Variants in RBFOX1 observed in about 807,000 individuals in gnomAD.
RBFOX1 encodes the protein RNA binding fox-1 homolog 1, also known as RNA binding protein fox-1 homolog 1.
In RBFOX1, 8 loss-of-function variants were observed where a neutral mutation model predicts 57.7. That is an observed-to-expected ratio of 0.14 (90% CI 0.08 to 0.25). The LOEUF (loss-of-function observed/expected upper bound fraction) is 0.25. RBFOX1 is among the 10% of genes least tolerant of loss of function. The pLI, the probability that RBFOX1 is intolerant of heterozygous loss-of-function variation, is 1.00. For synonymous variants in RBFOX1, 326 were observed against 222.4 expected (o/e 1.47, Z -4.15); for missense variants, 611 against 548.5 (o/e 1.11, Z -1.14).
At chr16:7,689,082 G>A (rs890509892) in intron 14 of RBFOX1, among the ~76,000 whole-genome samples, 2 of 151,982 alleles carry the variant, frequency 1.3e-5, no homozygotes, top group Admixed American at 6.6e-5. Flanking sequence ...TCTACAAGAC[G>A]AGGATAAAAA....
chr16:6,941,296 C>T (rs140759585), intron 3 of RBFOX1, among the ~76,000 whole-genome samples: 841 of 64,358 alleles, frequency 0.013, 8 homozygotes, highest in South Asian at 0.023. Context: ...CCTTCCCTCC[C>T]TCCCTCCTTC....
At chr16:6,277,200 C>G (rs77630439) in intron 1 of RBFOX1, among the ~76,000 whole-genome samples, 27,651 of 151,830 alleles carry the variant, frequency 0.18, 2,546 homozygotes, top group African/African-American at 0.2. Flanking sequence ...GTGGCTCACA[C>G]CTGTAATCCC....
chr16:7,019,841 C>T (rs553718379), intron 3 of RBFOX1, among the ~76,000 whole-genome samples: 2 of 152,160 alleles, frequency 1.3e-5, no homozygotes, highest in Non-Finnish European at 2.9e-5. Context: ...CTAGCTGTTC[C>T]ACACCTCCCA....
At position 6,019,800 on chromosome 16, in the gene RBFOX1, C is replaced by T. The variant is rs1596420087; in HGVS notation, c.-319C>T. ...CAGGGTCCCCGCCTGTCCGGACCCT[C>T]GCCGCGCCCAGGCAGGCGCGCCAGG... On this transcript the variant is annotated 5_prime_UTR_variant, in exon 1 of 16. Transcript: ENST00000550418. The surrounding 1 kb of genome is among the most constrained non-coding windows in gnomAD (Gnocchi z 4.2). The T allele has an allele frequency of 1.3e-6, 2 of 1,483,900 alleles. No homozygotes were observed. The highest frequency in any genetic ancestry group is 9.0e-7 in the Non-Finnish European group (1 of 1,115,346). 91.9% of individuals were successfully genotyped at this position (1,483,900 alleles called of 1,614,324 possible). A position where few individuals can be genotyped will look rare whatever the true frequency, so the allele number is the denominator to read the frequency against.
chr16:7,232,814 C>G (rs555514388), intron 4 of RBFOX1, among the ~76,000 whole-genome samples: 1 of 147,844 alleles, frequency 6.8e-6, no homozygotes, highest in Non-Finnish European at 1.5e-5. Flanking sequence ...GGTCATTACA[C>G]TCCAGCCTGG....
intron 4 of RBFOX1, among the ~76,000 whole-genome samples, chr16:7,186,398 A>G (rs1281865477): frequency 2.4e-5 from 2 of 82,790 alleles, no homozygotes; most frequent in African/African-American, 1.1e-4. Flanking sequence ...TTATATAAAT[A>G]TAAACATAAA....
chr16:7,432,665 A>G (rs1282674527), intron 4 of RBFOX1, among the ~76,000 whole-genome samples: 1 of 152,186 alleles, frequency 6.6e-6, no homozygotes, highest in Non-Finnish European at 1.5e-5. Context: ...CTGTGTTCTA[A>G]TAAAACTTTA....
chr16:6,305,482 A>G (rs1180721575), intron 1 of RBFOX1, among the ~76,000 whole-genome samples: 1 of 151,966 alleles, frequency 6.6e-6, no homozygotes. Flanking sequence ...ACATACTCAC[A>G]TGCATATGTC....
At chr16:6,091,914 G>C (rs1218831530) in intron 1 of RBFOX1, among the ~76,000 whole-genome samples, 3 of 152,116 alleles carry the variant, frequency 2.0e-5, no homozygotes, top group Non-Finnish European at 4.4e-5. Context: ...TTCTGCTACT[G>C]GTCCTTATTC....
At chr16:6,487,401 G>T (rs1438635891) in intron 2 of RBFOX1, among the ~76,000 whole-genome samples, 1 of 151,850 alleles carries the variant, frequency 6.6e-6, no homozygotes, top group Non-Finnish European at 1.5e-5. Flanking sequence ...TCCATTTCTT[G>T]TTTGCTTATG....
chr16:6,011,013 A>T (rs2094958045), intron 4 of RBFOX1, among the ~76,000 whole-genome samples: 1 of 152,096 alleles, frequency 6.6e-6, no homozygotes. Flanking sequence ...GCAAATGCAT[A>T]CTCTTCTTTG....
At chr16:5,657,649 TTTC>T (rs1184498957) in intron 3 of RBFOX1, among the ~76,000 whole-genome samples, 3 of 134,580 alleles carry the variant, frequency 2.2e-5, no homozygotes, top group Non-Finnish European at 4.7e-5. Flanking sequence ...TCTTTCTTTC[TTTC>T]TTTTCTTTTC....
intron 3 of RBFOX1, among the ~76,000 whole-genome samples, chr16:6,687,745 T>C (rs1268696280): frequency 3.3e-5 from 5 of 152,286 alleles, no homozygotes; most frequent in Admixed American, 2.6e-4. Context: ...GGCTCACAGC[T>C]ACTCTGTTAT....
chr16:6,814,258 A>G (rs1249954978), intron 3 of RBFOX1, among the ~76,000 whole-genome samples: 87 of 129,924 alleles, frequency 6.7e-4, no homozygotes, highest in African/African-American at 2.2e-3. Flanking sequence ...GGTGGGGGGG[A>G]GGGAGGAGGT....
chr16:6,295,328 G>C (rs1198046590), intron 1 of RBFOX1, among the ~76,000 whole-genome samples: 1 of 152,106 alleles, frequency 6.6e-6, no homozygotes, highest in Non-Finnish European at 1.5e-5. Flanking sequence ...GTTTCATCAT[G>C]TTGGCCAGGA....
intron 1 of RBFOX1, among the ~76,000 whole-genome samples, chr16:6,146,545 G>T (rs1338655632): frequency 2.0e-5 from 3 of 152,124 alleles, no homozygotes; most frequent in Non-Finnish European, 4.4e-5. Context: ...CCTCTGGATG[G>T]CTTCCCAGTG....
At chr16:6,945,590 A>G (rs1439904227) in intron 3 of RBFOX1, among the ~76,000 whole-genome samples, 2 of 151,830 alleles carry the variant, frequency 1.3e-5, no homozygotes, top group South Asian at 2.1e-4. Flanking sequence ...TTATTTTTGT[A>G]TCAGAATCCG....
intron 4 of RBFOX1, among the ~76,000 whole-genome samples, chr16:7,384,457 G>A (rs549654251): frequency 6.6e-6 from 1 of 151,878 alleles, no homozygotes. Context: ...TGATATTGAA[G>A]AGCTGCTTAT....
intron 4 of RBFOX1, among the ~76,000 whole-genome samples, chr16:7,070,253 C>T (rs957389175): frequency 1.3e-5 from 2 of 152,138 alleles, no homozygotes; most frequent in African/African-American, 4.8e-5. Context: ...GTATTTGCTG[C>T]CACATTCCAC....
Sources: gnomAD v4.1 joint callset for allele counts (sites outside exome capture counted in the v4.1 genomes callset) on GRCh38, gnomAD v4.1.1 for gene constraint, Gnocchi (gnomAD v3.1) non-coding constraint, MANE v1.5 for transcripts, NCBI Gene and HGNC (gene_info 2026-07-23, HGNC 2026-07-21) for gene names.